Variants in RAD51B observed in about 807,000 individuals in gnomAD.
The protein encoded by RAD51B is RAD51 paralog B, also known as DNA repair protein RAD51 homolog 2.
In RAD51B, 38 loss-of-function variants were observed where a neutral mutation model predicts 42.2. That is an observed-to-expected ratio of 0.90 (90% CI 0.70 to 1.18). The LOEUF (loss-of-function observed/expected upper bound fraction) is 1.18, where lower values mean the gene tolerates loss of function less well. Ranked by LOEUF, RAD51B falls within the 50% of genes most tolerant of loss-of-function variation. The probability of loss-of-function intolerance (pLI) is 0.00; values close to 1 mark genes in which losing one functional copy is unlikely to be tolerated. For synonymous variants in RAD51B, 154 were observed against 145.2 expected, an observed-to-expected ratio of 1.06 and a Z score of -0.43; for missense variants, 373 against 400.7, an observed-to-expected ratio of 0.93 and a Z score of 0.59.
intron 7 of RAD51B, among the ~76,000 whole-genome samples, chr14:68,096,772 G>C (rs2077203210): frequency 6.6e-6 from 1 of 152,112 alleles, no homozygotes; most frequent in African/African-American, 2.4e-5. Flanking sequence ...AAATTTGCAA[G>C]ATCATCTCTA....
chr14:68,019,887 C>G (rs1470620309), intron 7 of RAD51B, among the ~76,000 whole-genome samples: 1 of 152,142 alleles, frequency 6.6e-6, no homozygotes, highest in Non-Finnish European at 1.5e-5. Flanking sequence ...AAGAATGTGC[C>G]CCTTCCCTGT....
At chr14:68,302,429 T>C (rs189813678) in intron 8 of RAD51B, among the ~76,000 whole-genome samples, 19 of 152,106 alleles carry the variant, frequency 1.2e-4, no homozygotes, top group African/African-American at 4.6e-4. Context: ...TAACAGCAGT[T>C]CTTAATAGGA....
chr14:68,391,147 TTTCTTTC>T (rs1325102988), intron 8 of RAD51B, among the ~76,000 whole-genome samples: 3 of 147,252 alleles, frequency 2.0e-5, no homozygotes, highest in Non-Finnish European at 4.5e-5. Flanking sequence ...TCTTTCTTTC[TTTCTTTC>T]TTTCTTTCTT....
intron 9 of RAD51B, among the ~76,000 whole-genome samples, chr14:68,455,711 C>G (rs913210642): frequency 6.6e-6 from 1 of 151,888 alleles, no homozygotes; most frequent in Admixed American, 6.6e-5. Flanking sequence ...CAGAGCGAGA[C>G]TCTGTCTCAA....
chr14:68,243,311 A>G (rs1490840581), intron 7 of RAD51B, among the ~76,000 whole-genome samples: 1 of 151,948 alleles, frequency 6.6e-6, no homozygotes, highest in Non-Finnish European at 1.5e-5. Context: ...AGCATTATTC[A>G]TATTTTTCCC....
chr14:68,277,536 T>C (rs1410125913), intron 7 of RAD51B, among the ~76,000 whole-genome samples: 4 of 152,202 alleles, frequency 2.6e-5, no homozygotes, highest in African/African-American at 7.2e-5. Context: ...ACTTTTTCTC[T>C]CTGATACGGA....
At chr14:68,190,409 A>G (rs1257044398) in intron 7 of RAD51B, among the ~76,000 whole-genome samples, 2 of 152,216 alleles carry the variant, frequency 1.3e-5, no homozygotes, top group African/African-American at 2.4e-5. Flanking sequence ...GTATAAATAG[A>G]TAAACATGTA....
chr14:68,651,310 C>T (rs553906848), intron 11 of RAD51B, among the ~76,000 whole-genome samples: 1 of 152,284 alleles, frequency 6.6e-6, no homozygotes, highest in African/African-American at 2.4e-5. Flanking sequence ...GTAGCTGGGA[C>T]TACAGGCGTC....
intron 7 of RAD51B, among the ~76,000 whole-genome samples, chr14:67,914,767 T>TC (rs1299023984): frequency 6.6e-6 from 1 of 152,196 alleles, no homozygotes; most frequent in Non-Finnish European, 1.5e-5. Context: ...TTAATGATCT[T>TC]GTTGGTTTCA....
chr14:68,160,254 G>A (rs2078610023), intron 7 of RAD51B, among the ~76,000 whole-genome samples: 1 of 152,136 alleles, frequency 6.6e-6, no homozygotes, highest in Non-Finnish European at 1.5e-5. Context: ...TAATCATCTG[G>A]TATAGATCTT....
chr14:67,822,106 A>G (rs1001515947), intron 1 of RAD51B: 4 of 152,178 alleles, frequency 2.6e-5, no homozygotes, highest in Non-Finnish European at 5.9e-5. Flanking sequence ...CATTCTCAGT[A>G]TACATATATT....
At chr14:68,387,461 T>C (rs1400355925) in intron 8 of RAD51B, among the ~76,000 whole-genome samples, 2 of 152,270 alleles carry the variant, frequency 1.3e-5, no homozygotes, top group African/African-American at 4.8e-5. Context: ...TTAATAACTA[T>C]ATTTCTTGAT....
intron 8 of RAD51B, among the ~76,000 whole-genome samples, chr14:68,403,199 G>A (rs904796386): frequency 6.6e-6 from 1 of 152,010 alleles, no homozygotes; most frequent in Non-Finnish European, 1.5e-5. Flanking sequence ...AAATAAATGG[G>A]CTTTCATCTG....
In RAD51B at chr14:68,123,812, A is replaced by C. The variant is rs191177134; in HGVS notation, c.757-168072A>C. 1.2e-4 allele frequency among the ~76,000 whole-genome samples: 18 copies of C among 152,348 alleles called. No homozygotes were observed. The East Asian group carries it at 3.3e-3, about 28-fold the overall frequency. ...AACAGAGTGAGACTCCGTCTCAAAA[A>C]AACAAAACCAACCAACCAAACAAAC... On this transcript the variant is annotated intron_variant, in intron 7 of 10. Coordinates refer to ENST00000471583, the MANE Select transcript of RAD51B (RefSeq NM_133510.4).
At chr14:68,112,321 T>G (rs1186572069) in intron 7 of RAD51B, among the ~76,000 whole-genome samples, 7 of 152,066 alleles carry the variant, frequency 4.6e-5, no homozygotes, top group Non-Finnish European at 8.8e-5. Flanking sequence ...TGTCCTCCTT[T>G]GAGATCTCGC....
rs140170524 is a variant in RAD51B, at chr14:68,166,512, AT to A, written c.757-125368del. Among the ~76,000 whole-genome samples, 206 of 152,190 alleles carry A rather than the reference AT, an allele frequency of 1.4e-3. 5 individuals carry two copies. The East Asian group carries it at 0.038, about 28-fold the overall frequency. On this transcript the variant is annotated intron_variant, in intron 7 of 10. Transcript: ENST00000471583. ...AGAGTTATTTTGTTATCTGTACCAA[AT>A]TTTCAATTAAATATTTTTAGCTGTG...
At chr14:68,477,272 A>G (rs779884220) in intron 10 of RAD51B, among the ~76,000 whole-genome samples, 8 of 152,216 alleles carry the variant, frequency 5.3e-5, no homozygotes, top group Non-Finnish European at 7.3e-5. Flanking sequence ...CAAAACATCT[A>G]AATCATGGTC....
chr14:68,504,112 A>G (rs1296164402), intron 10 of RAD51B, among the ~76,000 whole-genome samples: 1 of 152,138 alleles, frequency 6.6e-6, no homozygotes, highest in African/African-American at 2.4e-5. Flanking sequence ...GCATGGACAC[A>G]TTCCGGTACC....
At chr14:68,548,842 C>T (rs549502668) in intron 10 of RAD51B, among the ~76,000 whole-genome samples, 1 of 152,322 alleles carries the variant, frequency 6.6e-6, no homozygotes, top group East Asian at 1.9e-4. Flanking sequence ...CCCTTCTGAG[C>T]TCTCTCCCTT....
Sources: gnomAD v4.1 joint callset for allele counts (sites outside exome capture counted in the v4.1 genomes callset) on GRCh38, gnomAD v4.1.1 for gene constraint, MANE v1.5 for transcripts, NCBI Gene and HGNC (gene_info 2026-07-23, HGNC 2026-07-21) for gene names.